The following KYAT3 variants were observed in gnomAD, a reference collection of about 807,000 sequenced individuals.
KYAT3 encodes the protein kynurenine--oxoglutarate transaminase 3.
A neutral mutation model predicts 59.0 loss-of-function variants in KYAT3; 50 were observed. The observed-to-expected ratio is 0.85, with a 90% CI of 0.68 to 1.07. The LOEUF (loss-of-function observed/expected upper bound fraction) is 1.07, where lower values mean the gene tolerates loss of function less well. Among genes scored for constraint, KYAT3 ranks in the 50% least tolerant of loss-of-function variants. The probability of loss-of-function intolerance (pLI) is 0.00; values close to 1 mark genes in which losing one functional copy is unlikely to be tolerated. For missense variants in KYAT3, 497 were observed against 533.3 expected (o/e 0.93, Z 0.67); for synonymous variants, 148 against 177.0 (o/e 0.84, Z 1.30).
intron 4 of KYAT3, among the ~76,000 whole-genome samples, chr1:88,968,078 G>T (rs571667486): frequency 1.1e-4 from 17 of 152,080 alleles, no homozygotes; most frequent in Non-Finnish European, 2.4e-4. Flanking sequence ...GATTTTTATA[G>T]TTAGACCACT....
chr1:88,959,572 CAAAAA>C (rs33949703), intron 8 of KYAT3, among the ~76,000 whole-genome samples: 9 of 118,010 alleles, frequency 7.6e-5, no homozygotes, highest in African/African-American at 9.7e-5. Flanking sequence ...GACTCTGTCT[CAAAAA>C]AAAAAAAAAA....
chr1:88,983,252 C>G, intron 2 of KYAT3: 2 of 1,613,572 alleles, frequency 1.2e-6, no homozygotes, highest in Non-Finnish European at 1.7e-6. Context: ...TCGAGGTGGA[C>G]CTCCATAACT....
chr1:88,977,268 C>T (rs1676829026), intron 2 of KYAT3, among the ~76,000 whole-genome samples: 1 of 152,194 alleles, frequency 6.6e-6, no homozygotes, highest in Non-Finnish European at 1.5e-5. Context: ...ACGGCGCAAT[C>T]TTGGCTCATT....
chr1:88,942,707 T>C (rs10158177), intron 13 of KYAT3, among the ~76,000 whole-genome samples: 5,781 of 151,946 alleles, frequency 0.038, 322 homozygotes, highest in African/African-American at 0.12. Flanking sequence ...GGACTACAAG[T>C]GCCCGCCACC....
intron 8 of KYAT3, among the ~76,000 whole-genome samples, chr1:88,959,097 G>T (rs932476120): frequency 6.6e-6 from 1 of 152,040 alleles, no homozygotes; most frequent in Non-Finnish European, 1.5e-5. Context: ...GAGCAACATA[G>T]TGAGATGCTA....
At chr1:88,967,629 G>T (rs992918315) in intron 4 of KYAT3, among the ~76,000 whole-genome samples, 1 of 151,902 alleles carries the variant, frequency 6.6e-6, no homozygotes, top group Non-Finnish European at 1.5e-5. Context: ...TTGGTAATTT[G>T]TATCTTTTAA....
intron 2 of KYAT3, among the ~76,000 whole-genome samples, chr1:88,976,676 T>C (rs1185570486): frequency 6.6e-6 from 1 of 152,176 alleles, no homozygotes; most frequent in Non-Finnish European, 1.5e-5. Context: ...GAAGACATTG[T>C]TATCATAGCA....
At chr1:88,973,923 T>G (rs775346549) in intron 2 of KYAT3, among the ~76,000 whole-genome samples, 5 of 152,182 alleles carry the variant, frequency 3.3e-5, no homozygotes, top group African/African-American at 7.2e-5. Context: ...AAAGTCTTCC[T>G]AAATGATGGG....
At chr1:88,965,947 C>T (rs550301671) in intron 4 of KYAT3, among the ~76,000 whole-genome samples, 14 of 152,254 alleles carry the variant, frequency 9.2e-5, no homozygotes, top group Admixed American at 8.5e-4. Context: ...ACACTATATA[C>T]ATTTCTTAGA....
chr1:88,966,666 C>G (rs1676362750), intron 4 of KYAT3, among the ~76,000 whole-genome samples: 1 of 151,846 alleles, frequency 6.6e-6, no homozygotes, highest in African/African-American at 2.4e-5. Context: ...ATCATGTTTT[C>G]TGAAAATGAG....
chr1:88,964,569 T>C, intron 5 of KYAT3: 1 of 380,788 alleles, frequency 2.6e-6, no homozygotes. Context: ...TGGGAGAATA[T>C]AGACTCTGAA....
chr1:88,962,022 T>C (rs1277849762), intron 6 of KYAT3, 37 bp downstream of exon 6: 3 of 1,455,386 alleles, frequency 2.1e-6, no homozygotes, highest in Non-Finnish European at 2.9e-6. Context: ...TCTTAAGTCT[T>C]GAAACTTTGC....
At chr1:88,983,060 G>A (rs762408826) in intron 2 of KYAT3, 2 of 1,612,544 alleles carry the variant, frequency 1.2e-6, no homozygotes, top group South Asian at 2.2e-5. Context: ...GCCTCTTGAT[G>A]GATAGTCATC....
At chr1:88,934,433 G>A (rs532265908), downstream of KYAT3, among the ~76,000 whole-genome samples, 2 of 152,244 alleles carry the variant, frequency 1.3e-5, no homozygotes, top group South Asian at 2.1e-4. Flanking sequence ...CAGCCTTGGC[G>A]ATAGAGTGAG....
chr1:88,948,091 CAAACAAAACAAAACAAAACAAAACA>C (rs58858903), intron 11 of KYAT3, among the ~76,000 whole-genome samples: 2 of 146,032 alleles, frequency 1.4e-5, no homozygotes, highest in Non-Finnish European at 1.5e-5. Context: ...GACCCTGCCT[CAAACAAAACAAAACAAAACAAAACA>C]AAACAAAACA....
At chr1:88,984,443 C>T (rs1225444005) in intron 2 of KYAT3, among the ~76,000 whole-genome samples, 2 of 152,074 alleles carry the variant, frequency 1.3e-5, no homozygotes, top group Non-Finnish European at 2.9e-5. Context: ...GAACTCCTAG[C>T]CCAAGTGATC....
rs1290987032 is a variant in KYAT3, at chr1:88,965,117, TA to T, written c.304-140del. The T allele has an allele frequency of 1.9e-5, 12 of 623,946 alleles. No homozygotes were observed. The East Asian group carries it at 3.8e-4, about 20-fold the overall frequency. 38.7% of individuals were successfully genotyped at this position (623,946 alleles called of 1,614,324 possible). A position where few individuals can be genotyped will look rare whatever the true frequency, so the allele number is the denominator to read the frequency against. On this transcript the variant is annotated intron_variant, in intron 4 of 13. Transcript: ENST00000260508. ...TTACCCCAAGAAAATTTATATTTTT[TA>T]ATGGCAATAAATTTTTTAAAATTTC... is the stretch of plus-strand genomic sequence containing the variant.
At chr1:88,982,715 G>T (rs771504965) in intron 2 of KYAT3, 1 of 1,613,888 alleles carries the variant, frequency 6.2e-7, no homozygotes, top group South Asian at 1.1e-5. Context: ...AGCACCTCTT[G>T]GTGCTCCGCG....
At chr1:88,976,295 T>C (rs1265046077) in intron 2 of KYAT3, among the ~76,000 whole-genome samples, 1 of 151,552 alleles carries the variant, frequency 6.6e-6, no homozygotes, top group Non-Finnish European at 1.5e-5. Flanking sequence ...AGGCAGAGGT[T>C]GCAGTAAGCC....
Sources: gnomAD v4.1 joint callset for allele counts (sites outside exome capture counted in the v4.1 genomes callset) on GRCh38, gnomAD v4.1.1 for gene constraint, MANE v1.5 for transcripts, NCBI Gene and HGNC (gene_info 2026-07-23, HGNC 2026-07-21) for gene names.